The following HMGN5 variants were observed in gnomAD, a reference collection of about 807,000 sequenced individuals.
The protein encoded by HMGN5 is high mobility group nucleosome-binding domain-containing protein 5.
A neutral mutation model predicts 9.5 loss-of-function variants in HMGN5; 4 were observed. That is an observed-to-expected ratio of 0.42 (90% CI 0.21 to 0.96). The LOEUF (loss-of-function observed/expected upper bound fraction) is 0.96, where lower values mean the gene tolerates loss of function less well. Among genes scored for constraint, HMGN5 ranks in the 40% least tolerant of loss-of-function variants. The probability of loss-of-function intolerance (pLI) is 0.30; values close to 1 mark genes in which losing one functional copy is unlikely to be tolerated. For synonymous variants in HMGN5, 55 were observed against 57.1 expected, an observed-to-expected ratio of 0.96 and a Z score of 0.16; for missense variants, 192 against 187.5, an observed-to-expected ratio of 1.02 and a Z score of -0.14.
At chrX:81,137,797 C>T (rs1434317111) in intron 1 of HMGN5, among the ~76,000 whole-genome samples, 3 of 111,255 alleles carry the variant, frequency 2.7e-5, no homozygotes, top group Non-Finnish European at 5.7e-5. Context: ...CTTGATAAAC[C>T]TCTAGCAAGG....
At chrX:81,177,298 C>A (rs1253863783) in intron 1 of HMGN5, among the ~76,000 whole-genome samples, 3 of 92,995 alleles carry the variant, frequency 3.2e-5, no homozygotes, top group African/African-American at 1.2e-4. Flanking sequence ...CAAGCAAATG[C>A]CAAGAGATTT....
chrX:81,185,709 C>T (rs769770026), intron 1 of HMGN5, among the ~76,000 whole-genome samples: 9 of 111,471 alleles, frequency 8.1e-5, no homozygotes, highest in African/African-American at 2.9e-4. Flanking sequence ...AGAGAAATGA[C>T]TTTCAGTTTT....
rs886357832 is a variant in HMGN5, at chrX:81,169,141, GAA to G, written c.-124+32594_-124+32595del. Among the ~76,000 whole-genome samples the G allele has an allele frequency of 3.6e-5, 4 of 111,489 alleles. 1 individual carries two copies. Among genetic ancestry groups the G allele is most frequent in the African/African-American group, 1.3e-4 (4 of 30,652 alleles). On this transcript the variant is annotated intron_variant, in intron 1 of 6. Transcript: ENST00000358130. ...GAACTGAAGGGAAAATGCTCATCTT[GAA>G]AAAGAGTGCTAATTCACACTAGGAG...
intron 1 of HMGN5, among the ~76,000 whole-genome samples, chrX:81,183,388 C>A: frequency 8.9e-6 from 1 of 112,616 alleles, no homozygotes; most frequent in South Asian, 3.6e-4. Flanking sequence ...TGAGCCAGAC[C>A]CAGGGCCCCG....
At chrX:81,142,623 G>A (rs2075332881) in intron 1 of HMGN5, among the ~76,000 whole-genome samples, 1 of 111,776 alleles carries the variant, frequency 8.9e-6, no homozygotes, top group Non-Finnish European at 1.9e-5. Context: ...AGCCTATCCA[G>A]TAAAAATATC....
chrX:81,145,960 A>G (rs987646594), intron 1 of HMGN5, among the ~76,000 whole-genome samples: 3 of 111,615 alleles, frequency 2.7e-5, no homozygotes, highest in African/African-American at 6.5e-5. Context: ...AACTATCCTA[A>G]ATATATATGC....
At chrX:81,174,397 C>A (rs1371489996) in intron 1 of HMGN5, among the ~76,000 whole-genome samples, 2 of 111,175 alleles carry the variant, frequency 1.8e-5, no homozygotes, top group Non-Finnish European at 3.8e-5. Context: ...TACATAAATT[C>A]TTTGAATGCA....
chrX:81,155,004 C>T (rs866103458), intron 1 of HMGN5, among the ~76,000 whole-genome samples: 2 of 101,823 alleles, frequency 2.0e-5, no homozygotes, highest in African/African-American at 7.2e-5. Flanking sequence ...AAAAATAGAG[C>T]TACTAAAAGT....
intron 1 of HMGN5, chrX:81,195,131 G>T (rs2075504437): frequency 8.9e-6 from 1 of 111,780 alleles, no homozygotes; most frequent in African/African-American, 3.3e-5. Flanking sequence ...ATCACAAGAT[G>T]AAGTCCCACA....
intron 1 of HMGN5, among the ~76,000 whole-genome samples, chrX:81,170,030 G>A (rs1201049702): frequency 9.9e-6 from 1 of 100,797 alleles, no homozygotes; most frequent in African/African-American, 3.7e-5. Flanking sequence ...CTCCAACCTG[G>A]GAGACAGAGT....
At chrX:81,158,002 G>A (rs769242958) in intron 1 of HMGN5, among the ~76,000 whole-genome samples, 38 of 110,494 alleles carry the variant, frequency 3.4e-4, no homozygotes, top group Middle Eastern at 9.2e-3. Flanking sequence ...GGATGGTCTC[G>A]ATCTCCTGAC....
chrX:81,121,578 T>A lies in HMGN5; in HGVS notation c.-29A>T. Reference sequence around the variant, plus strand: ...TGTAGCTCTCTATAGGAGATCTTAGTCAGCAGAAAAAAAGCCGAAGGCAGT... The same window carrying A: ...TGTAGCTCTCTATAGGAGATCTTAGACAGCAGAAAAAAAGCCGAAGGCAGT... On this transcript the variant is annotated 5_prime_UTR_variant, in exon 2 of 7. Coordinates refer to ENST00000358130, the MANE Select transcript of HMGN5 (RefSeq NM_030763.3). 8.7e-7 allele frequency: 1 copy of A among 1,154,981 alleles called. No individual in the cohort carries two copies. The highest frequency in any genetic ancestry group is 2.0e-5 in the South Asian group (1 of 49,917).
intron 1 of HMGN5, among the ~76,000 whole-genome samples, chrX:81,200,340 C>A (rs901179158): frequency 3.6e-5 from 4 of 111,625 alleles, no homozygotes; most frequent in African/African-American, 1.3e-4. Flanking sequence ...GTCATTTGAC[C>A]CAGCAATCTC....
chrX:81,170,987 G>A (rs758788190), intron 1 of HMGN5, among the ~76,000 whole-genome samples: 5 of 111,306 alleles, frequency 4.5e-5, no homozygotes, highest in South Asian at 3.8e-4. Flanking sequence ...CTTCAATCCT[G>A]ATGTTCTCTC....
chrX:81,187,411 A>G (rs748865701), intron 1 of HMGN5, among the ~76,000 whole-genome samples: 1 of 111,325 alleles, frequency 9.0e-6, no homozygotes, highest in African/African-American at 3.3e-5. Flanking sequence ...AAAAATTGTC[A>G]TATTTTCTGA....
At chrX:81,171,523 T>C (rs1211079729) in intron 1 of HMGN5, among the ~76,000 whole-genome samples, 1 of 111,567 alleles carries the variant, frequency 9.0e-6, no homozygotes, top group East Asian at 2.8e-4. Flanking sequence ...TATTTAACAA[T>C]TCATTGTTTT....
At chrX:81,152,372 C>G (rs1363849607) in intron 1 of HMGN5, among the ~76,000 whole-genome samples, 2 of 111,801 alleles carry the variant, frequency 1.8e-5, no homozygotes, top group East Asian at 5.6e-4. Context: ...GACATTTATG[C>G]AGCCAAAAAA....
chrX:81,187,709 T>C (rs2075481448), intron 1 of HMGN5, among the ~76,000 whole-genome samples: 1 of 112,134 alleles, frequency 8.9e-6, no homozygotes, highest in Admixed American at 9.5e-5. Context: ...AGTGTTATTG[T>C]TGATTGTAAA....
intron 1 of HMGN5, among the ~76,000 whole-genome samples, chrX:81,128,864 G>C (rs762075601): frequency 9.8e-5 from 11 of 111,944 alleles, no homozygotes; most frequent in African/African-American, 3.6e-4. Context: ...TTAATGTCTT[G>C]AATATTAATT....
Sources: gnomAD v4.1 joint callset for allele counts (sites outside exome capture counted in the v4.1 genomes callset) on GRCh38, gnomAD v4.1.1 for gene constraint, MANE v1.5 for transcripts, NCBI Gene and HGNC (gene_info 2026-07-23, HGNC 2026-07-21) for gene names.